Variants in NSD2 observed in about 807,000 individuals in gnomAD.
NSD2 encodes histone-lysine N-methyltransferase NSD2.
NSD2 carries 12 observed loss-of-function variants against 139.0 expected under a neutral mutation model. That is an observed-to-expected ratio of 0.09 (90% CI 0.06 to 0.14). The LOEUF is 0.14. NSD2 is among the 10% of genes least tolerant of loss of function. The pLI, the probability that NSD2 is intolerant of heterozygous loss-of-function variation, is 1.00. For missense variants in NSD2, 1,155 were observed against 1,745.0 expected (o/e 0.66, Z 6.02); for synonymous variants, 669 against 648.7 (o/e 1.03, Z -0.48).
chr4:1,950,847 A>G (rs1724141714), intron 9 of NSD2, among the ~76,000 whole-genome samples: 1 of 152,254 alleles, frequency 6.6e-6, no homozygotes, highest in Non-Finnish European at 1.5e-5. Context: ...AATACTAGGT[A>G]GAATAAAGTC....
At chr4:1,936,735 A>G (rs1388451890) in intron 7 of NSD2, among the ~76,000 whole-genome samples, 1 of 151,888 alleles carries the variant, frequency 6.6e-6, no homozygotes, top group Non-Finnish European at 1.5e-5. Context: ...GTAAAGCTTC[A>G]TCCTGTTTTT....
chr4:1,955,033 C>T lies in NSD2; in HGVS notation c.2339-128C>T, dbSNP rs1577535758. 4 of 1,075,844 alleles carry T rather than the reference C, an allele frequency of 3.7e-6. No homozygotes were observed. Among genetic ancestry groups the T allele is most frequent in the East Asian group, 2.6e-5 (1 of 38,394 alleles). The allele number at this position is 1,075,844 out of a possible 1,614,324, so 66.6% of individuals were successfully genotyped here. On this transcript the variant is annotated intron_variant, in intron 12 of 21. Coordinates refer to ENST00000508803, the MANE Select transcript of NSD2 (RefSeq NM_001042424.3). This position sits in a 1 kb window ranked among gnomAD's most constrained non-coding sequence, Gnocchi z 4.7. Reference sequence around the variant, plus strand: ...TTTGCTCTGAAAGCTTTTTTTAAATCAAATACCTCCATTTCATTTTAGCAT... The same window carrying T: ...TTTGCTCTGAAAGCTTTTTTTAAATTAAATACCTCCATTTCATTTTAGCAT...
At chr4:1,878,020 CTG>C (rs1714386715) in intron 1 of NSD2, among the ~76,000 whole-genome samples, 2 of 151,774 alleles carry the variant, frequency 1.3e-5, no homozygotes, top group African/African-American at 4.8e-5. Context: ...CAGTAAGACT[CTG>C]TCCCAAAAGA....
At chr4:1,937,697 C>T (rs1036105172) in intron 7 of NSD2, among the ~76,000 whole-genome samples, 2 of 152,186 alleles carry the variant, frequency 1.3e-5, no homozygotes, top group Non-Finnish European at 2.9e-5. Context: ...TCCACCTCAC[C>T]GCATCCTGTC....
At chr4:1,909,277 A>G (rs764468148) in intron 3 of NSD2, among the ~76,000 whole-genome samples, 3 of 151,374 alleles carry the variant, frequency 2.0e-5, no homozygotes. Context: ...CCCCAACCCT[A>G]GCATCAGCCG....
intron 1 of NSD2, among the ~76,000 whole-genome samples, chr4:1,887,280 T>A (rs866510960): frequency 6.6e-5 from 10 of 152,128 alleles, no homozygotes; most frequent in African/African-American, 1.9e-4. Context: ...CTGCCAGTCG[T>A]TTTAAATGCT....
intron 15 of NSD2, 152 bp from the exon 16 acceptor site, chr4:1,957,781 C>T (rs1724980245): frequency 8.6e-6 from 6 of 698,036 alleles, no homozygotes; most frequent in South Asian, 7.8e-5. Flanking sequence ...AAAATACCTG[C>T]CCACTGACAG....
chr4:1,939,581 G>T, intron 8 of NSD2, 73 bp from the exon 9 acceptor site: 1 of 1,425,984 alleles, frequency 7.0e-7, no homozygotes, highest in Admixed American at 1.7e-5. Context: ...ACTTATTTGA[G>T]GGGTAATTTT....
At chr4:1,917,782 T>TTTC (rs1719598949) in intron 4 of NSD2, among the ~76,000 whole-genome samples, 1 of 149,436 alleles carries the variant, frequency 6.7e-6, no homozygotes, top group African/African-American at 2.4e-5. Flanking sequence ...AGTATTCTTT[T>TTTC]TTTTTTTTTT....
Position 1,976,739 on chromosome 4 carries a change from GGCT to G in NSD2, c.3826+66_3826+68del. The G allele has an allele frequency of 2.7e-6, 4 of 1,501,890 alleles. No individual in the cohort carries two copies. Among genetic ancestry groups the G allele is most frequent in the Non-Finnish European group, 3.6e-6 (4 of 1,118,978 alleles). The allele number at this position is 1,501,890 out of a possible 1,614,324, so 93.0% of individuals were successfully genotyped here. On this transcript the variant is annotated intron_variant, in intron 21 of 21. Coordinates refer to ENST00000508803, the MANE Select transcript of NSD2 (RefSeq NM_001042424.3). This position sits in a 1 kb window ranked among gnomAD's most constrained non-coding sequence, Gnocchi z 5.3. ...GTCTGTGTGGCAGGCTCCTGATGGC[GGCT>G]GCTGCCGCTCTTCCTGCTGACCGGG...
intron 10 of NSD2, 119 bp downstream of exon 10, chr4:1,951,322 C>T (rs1033689686): frequency 2.2e-6 from 3 of 1,384,436 alleles, no homozygotes; most frequent in Non-Finnish European, 3.0e-6. Flanking sequence ...ATCTCACCGT[C>T]ACTCACTCAT....
rs138001317 is a variant in NSD2 at position 1,975,726 on chromosome 4, C to T, written c.3621+326C>T. The T allele has an allele frequency of 5.7e-4, 160 of 279,902 alleles. 1 individual carries two copies. Among genetic ancestry groups the T allele is most frequent in the African/African-American group, 2.9e-3 (132 of 45,798 alleles). 17.3% of individuals were successfully genotyped at this position (279,902 alleles called of 1,614,324 possible). A position where few individuals can be genotyped will look rare whatever the true frequency, so the allele number is the denominator to read the frequency against. The stretch of plus-strand genomic sequence containing the variant: ...CAGGCCTGTCTCCCGTTCCTGGTGG[C>T]GGCCACAGTCCTTGCTGCTCCTTGG... On this transcript the variant is annotated intron_variant, in intron 20 of 21. Transcript: ENST00000508803.
At chr4:1,963,875 G>A (rs543165556) in intron 18 of NSD2, among the ~76,000 whole-genome samples, 1 of 152,340 alleles carries the variant, frequency 6.6e-6, no homozygotes, top group South Asian at 2.1e-4. Flanking sequence ...AGCCGTGCCT[G>A]TGATTCCAGC....
chr4:1,950,314 G>A (rs142999179), intron 9 of NSD2, among the ~76,000 whole-genome samples: 77 of 152,262 alleles, frequency 5.1e-4, no homozygotes, highest in African/African-American at 1.6e-3. Context: ...TACAACCTGC[G>A]AGCAATTCCA....
At position 1,981,200 on chromosome 4, in the gene NSD2, CCT is replaced by C. The variant is rs1727727947; in HGVS notation, c.*2292_*2293del. 1.3e-5 allele frequency: 3 copies of C among 233,266 alleles called. No homozygotes were observed. The highest frequency in any genetic ancestry group is 2.5e-5 in the Non-Finnish European group (3 of 118,044). The allele number at this position is 233,266 out of a possible 1,614,324, so 14.4% of individuals were successfully genotyped here. ...CAAACATTTTAAATATGTTTCTCCCCCTTTCCAAAAACTGTTAAACTAATGAG... is the reference window on the plus strand; with the variant it reads ...CAAACATTTTAAATATGTTTCTCCCCTTCCAAAAACTGTTAAACTAATGAG... On this transcript the variant is annotated 3_prime_UTR_variant, in exon 22 of 22. Transcript: ENST00000508803.
chr4:1,969,517 A>G (rs533845280), intron 18 of NSD2, among the ~76,000 whole-genome samples: 1 of 151,966 alleles, frequency 6.6e-6, no homozygotes, highest in East Asian at 1.9e-4. Context: ...CAGCCTGGGC[A>G]ACACAGCAAG....
intron 9 of NSD2, chr4:1,944,705 T>A (rs1723441883): frequency 9.4e-7 from 1 of 1,064,708 alleles, no homozygotes; most frequent in Non-Finnish European, 1.1e-6. Flanking sequence ...ATTGTTTTTC[T>A]AAGACTGATC....
intron 9 of NSD2, chr4:1,947,488 A>T (rs1419113290): frequency 2.7e-5 from 29 of 1,057,728 alleles, no homozygotes; most frequent in Non-Finnish European, 3.3e-5. Flanking sequence ...ATAGCCAGGA[A>T]GTTTCTAGTT....
chr4:1,957,118 C>T (rs940025960), intron 15 of NSD2, among the ~76,000 whole-genome samples: 1 of 152,124 alleles, frequency 6.6e-6, no homozygotes, highest in African/African-American at 2.4e-5. Flanking sequence ...CTTGGGGCTG[C>T]AAAAACAGGG....
Sources: allele counts gnomAD v4.1 joint callset (sites outside exome capture counted in the v4.1 genomes callset), GRCh38; gene constraint gnomAD v4.1.1; non-coding constraint Gnocchi (gnomAD v3.1); transcripts MANE v1.5; gene names NCBI Gene and HGNC (gene_info 2026-07-23, HGNC 2026-07-21).